SLC35D2: variants seen among roughly 807,000 people sequenced by gnomAD.
SLC35D2 encodes the protein nucleotide sugar transporter SLC35D2.
A neutral mutation model predicts 41.8 loss-of-function variants in SLC35D2; 43 were observed. The ratio of observed to expected loss-of-function variants is 1.03; its 90% CI spans 0.81 to 1.33. The LOEUF (loss-of-function observed/expected upper bound fraction) is 1.33. SLC35D2 is among the 40% of genes most tolerant of loss of function. The pLI is 0.00. For missense variants in SLC35D2, 380 were observed against 408.4 expected, an observed-to-expected ratio of 0.93 and a Z score of 0.60; for synonymous variants, 150 against 163.9, an observed-to-expected ratio of 0.92 and a Z score of 0.65.
At chr9:96,332,902 A>ATTT (rs201907613) in intron 9 of SLC35D2, among the ~76,000 whole-genome samples, 6 of 142,780 alleles carry the variant, frequency 4.2e-5, no homozygotes, top group Admixed American at 7.0e-5. Context: ...ACCTTTGCGA[A>ATTT]TTTTTTTTTT....
intron 6 of SLC35D2, 82 bp downstream of exon 6, chr9:96,351,021 A>C (rs1829788247): frequency 1.9e-6 from 2 of 1,066,996 alleles, no homozygotes; most frequent in Non-Finnish European, 2.9e-6. Context: ...AGCCAGATGG[A>C]AAATGAAAAA....
At chr9:96,352,733 G>A (rs535811982) in intron 4 of SLC35D2, among the ~76,000 whole-genome samples, 4 of 151,608 alleles carry the variant, frequency 2.6e-5, no homozygotes, top group South Asian at 2.1e-4. Context: ...AGGCCTATGC[G>A]TCATCATTAA....
downstream of SLC35D2, among the ~76,000 whole-genome samples, chr9:96,317,605 A>G (rs557002522): frequency 5.9e-5 from 9 of 152,322 alleles, no homozygotes; most frequent in Non-Finnish European, 2.9e-5. Context: ...GAATTCCAAG[A>G]ATAAAAATTA....
chr9:96,352,064 G>A lies in SLC35D2; in HGVS notation c.393C>T (p.Thr131=), dbSNP rs141201350. ...CAAGTATGATGGTTTCCAGAAGTAA[G>A]GTAAGTGGAATGGTGAATTTCCTGA... is the stretch of plus-strand genomic sequence containing the variant. ...TVLRKFTIPL[T]LLLETIILGK... The change falls in exon 5 of 12, where the codon ACC becomes ACT. Residue 131 remains threonine, a synonymous_variant. Transcript: ENST00000253270. 49 of 1,612,478 alleles carry A rather than the reference G, an allele frequency of 3.0e-5. No homozygotes were observed. In the African/African-American group the frequency reaches 6.3e-4, roughly 21 times the overall value.
At chr9:96,373,611 T>C (rs1350511503) in intron 1 of SLC35D2, among the ~76,000 whole-genome samples, 1 of 150,012 alleles carries the variant, frequency 6.7e-6, no homozygotes, top group Non-Finnish European at 1.5e-5. Context: ...TGCTTGAACC[T>C]GGTAAGCGGA....
intron 4 of SLC35D2, among the ~76,000 whole-genome samples, chr9:96,352,961 C>T (rs1440520055): frequency 6.6e-6 from 1 of 152,016 alleles, no homozygotes; most frequent in African/African-American, 2.4e-5. Flanking sequence ...TTGCTTGAAC[C>T]CGTGAGGCGG....
intron 4 of SLC35D2, among the ~76,000 whole-genome samples, chr9:96,358,731 G>C (rs1280032887): frequency 7.2e-5 from 11 of 152,204 alleles, no homozygotes; most frequent in African/African-American, 2.4e-4. Context: ...GCTCATGCCT[G>C]TAATCCAAGT....
At chr9:96,345,765 G>A (rs1829547631) in intron 6 of SLC35D2, among the ~76,000 whole-genome samples, 1 of 152,146 alleles carries the variant, frequency 6.6e-6, no homozygotes, top group South Asian at 2.1e-4. Flanking sequence ...TAGTGAACAG[G>A]GCCACCTCCA....
At chr9:96,362,785 T>C (rs1830326127) in intron 3 of SLC35D2, among the ~76,000 whole-genome samples, 2 of 152,110 alleles carry the variant, frequency 1.3e-5, no homozygotes, top group Admixed American at 6.6e-5. Context: ...CCAGTAATAT[T>C]CTGGTTTTTC....
Position 96,324,180 on chromosome 9 carries a change from G to A in SLC35D2, c.753-11C>T. The A allele has an allele frequency of 1.2e-6, 2 of 1,613,090 alleles. No individual in the cohort carries two copies. The highest frequency in any genetic ancestry group is 8.5e-7 in the Non-Finnish European group (1 of 1,179,134). On this transcript the variant is annotated splice_polypyrimidine_tract_variant and intron_variant, in intron 9 of 11. Coordinates refer to ENST00000253270, the MANE Select transcript of SLC35D2 (RefSeq NM_007001.3). ...TACATCAGCAGAAACCTGTGACAAG[G>A]AAGCAGACACTGGAGTGTGTGCCTC...
intron 9 of SLC35D2, 23 bp from the exon 10 acceptor site, chr9:96,324,192 G>A: frequency 6.3e-7 from 1 of 1,591,752 alleles, no homozygotes; most frequent in Admixed American, 1.7e-5. Flanking sequence ...AGCAGACACT[G>A]GAGTGTGTGC....
chr9:96,333,684 G>A (rs1302243362), intron 9 of SLC35D2, among the ~76,000 whole-genome samples: 2 of 151,710 alleles, frequency 1.3e-5, no homozygotes, highest in African/African-American at 4.8e-5. Flanking sequence ...ACAGCTCACA[G>A]CGAGGCTGCC....
chr9:96,375,091 A>G lies in SLC35D2; in HGVS notation c.159-6786T>C, dbSNP rs1830883533. On this transcript the variant is annotated intron_variant, in intron 1 of 11. Transcript: ENST00000253270. ...ACTGCAACCTCTGCCTCCCGGGTTCAAGCCATTCTCCTGCCTCAGCCTCCC... is the reference window on the plus strand; with the variant it reads ...ACTGCAACCTCTGCCTCCCGGGTTCGAGCCATTCTCCTGCCTCAGCCTCCC... Among the ~76,000 whole-genome samples the G allele has an allele frequency of 3.4e-5, 5 of 148,632 alleles. No individual in the cohort carries two copies. In the Admixed American group the frequency reaches 3.4e-4, roughly 10 times the overall value.
intron 9 of SLC35D2, 123 bp downstream of exon 9, chr9:96,336,594 A>T: frequency 1.5e-6 from 1 of 670,934 alleles, no homozygotes; most frequent in East Asian, 2.8e-5. Context: ...CTGCAGGGGT[A>T]CTTTCCAGAG....
intron 9 of SLC35D2, 42 bp downstream of exon 9, chr9:96,336,675 G>T: frequency 8.6e-7 from 1 of 1,156,372 alleles, no homozygotes; most frequent in Non-Finnish European, 1.3e-6. Context: ...CTTGTCAAGA[G>T]ATACTGTTGA....
intron 1 of SLC35D2, among the ~76,000 whole-genome samples, chr9:96,382,037 A>C (rs562828007): frequency 6.6e-6 from 1 of 152,286 alleles, no homozygotes; most frequent in South Asian, 2.1e-4. Context: ...ACTGAAGCAG[A>C]ATCTCCAGAG....
At chr9:96,344,427 A>G (rs1223223969) in intron 7 of SLC35D2, among the ~76,000 whole-genome samples, 1 of 150,334 alleles carries the variant, frequency 6.7e-6, no homozygotes, top group Admixed American at 6.7e-5. Flanking sequence ...AAGTGGCCAC[A>G]CCACTTCACC....
chr9:96,348,682 G>A (rs1168237282), intron 6 of SLC35D2, among the ~76,000 whole-genome samples: 4 of 152,188 alleles, frequency 2.6e-5, no homozygotes, highest in Non-Finnish European at 5.9e-5. Context: ...GCTACCAGGT[G>A]GGGATCCATT....
chr9:96,379,069 G>A (rs769916949), intron 1 of SLC35D2, among the ~76,000 whole-genome samples: 7 of 151,918 alleles, frequency 4.6e-5, no homozygotes, highest in Non-Finnish European at 8.8e-5. Context: ...GGGCCAAGGC[G>A]GATGGATTGC....
Sources: gnomAD v4.1 joint callset for allele counts (sites outside exome capture counted in the v4.1 genomes callset) on GRCh38, gnomAD v4.1.1 for gene constraint, MANE v1.5 for transcripts, NCBI Gene and HGNC (gene_info 2026-07-23, HGNC 2026-07-21) for gene names.